Variants in PLCG2 observed in about 807,000 individuals in gnomAD.
The protein encoded by PLCG2 is 1-phosphatidylinositol 4,5-bisphosphate phosphodiesterase gamma-2.
A neutral mutation model predicts 175.6 loss-of-function variants in PLCG2; 69 were observed. That is an observed-to-expected ratio of 0.39 (90% CI 0.32 to 0.48). PLCG2 has a LOEUF of 0.48. PLCG2 is among the 20% of genes least tolerant of loss of function. The pLI is 0.91. For synonymous variants in PLCG2, 827 were observed against 624.0 expected (o/e 1.33, Z -4.85); for missense variants, 1,798 against 1,650.9 (o/e 1.09, Z -1.54).
chr16:81,740,320 T>C (rs1216740411), intron 1 of PLCG2: 1 of 152,204 alleles, frequency 6.6e-6, no homozygotes, highest in Non-Finnish European at 1.5e-5. Context: ...CTACAGAGTA[T>C]GTGACGTAGG....
At position 81,893,849 on chromosome 16, in the gene PLCG2, T is replaced by A. The variant is rs370771636; in HGVS notation, c.1072+55T>A. 6.4e-6 allele frequency: 7 copies of A among 1,092,536 alleles called. No homozygotes were observed. In the East Asian group the frequency reaches 1.7e-4, roughly 26 times the overall value. The allele number at this position is 1,092,536 out of a possible 1,614,324, so 67.7% of individuals were successfully genotyped here. A position where few individuals can be genotyped will look rare whatever the true frequency, so the allele number is the denominator to read the frequency against. ...GCTCGCAGCAAATTGAGGATAACCATGTGGTTGCTCCATGTTTTCTTTCGA... is the reference window on the plus strand; with the variant it reads ...GCTCGCAGCAAATTGAGGATAACCAAGTGGTTGCTCCATGTTTTCTTTCGA... On this transcript the variant is annotated intron_variant, in intron 12 of 32. Transcript: ENST00000564138.
intron 2 of PLCG2, among the ~76,000 whole-genome samples, chr16:81,840,527 G>A (rs534908694): frequency 1.3e-5 from 2 of 152,306 alleles, no homozygotes; most frequent in East Asian, 3.9e-4. Flanking sequence ...CAACTAGACA[G>A]TTCTATCTGG....
intron 1 of PLCG2, among the ~76,000 whole-genome samples, chr16:81,781,735 A>G (rs1353122836): frequency 6.6e-6 from 1 of 152,166 alleles, no homozygotes; most frequent in East Asian, 1.9e-4. Flanking sequence ...CCTGTGCTCC[A>G]TTTTAACACA....
chr16:81,810,801 A>T (rs879510740), intron 2 of PLCG2, among the ~76,000 whole-genome samples: 2 of 152,224 alleles, frequency 1.3e-5, no homozygotes, highest in Non-Finnish European at 2.9e-5. Context: ...TGATAGAAGG[A>T]GACAGGGTCT....
chr16:81,931,777 G>C (rs1910513056), intron 25 of PLCG2, 123 bp downstream of exon 25: 1 of 774,524 alleles, frequency 1.3e-6, no homozygotes, highest in Non-Finnish European at 2.1e-6. Flanking sequence ...CAGAATTCAG[G>C]AAGGAGACCA....
chr16:81,946,282 G>A lies in PLCG2; in HGVS notation c.3570+19G>A. The A allele has an allele frequency of 1.3e-6, 2 of 1,586,862 alleles. No individual in the cohort carries two copies. The highest frequency in any genetic ancestry group is 1.7e-6 in the Non-Finnish European group (2 of 1,155,238). ...AGTCCTGGTGAGTGGAGAAACACCAGTTAAGGGTTCCCTGAGCTATGCCTG... is the reference window on the plus strand; with the variant it reads ...AGTCCTGGTGAGTGGAGAAACACCAATTAAGGGTTCCCTGAGCTATGCCTG... On this transcript the variant is annotated intron_variant, in intron 31 of 32. Coordinates refer to ENST00000564138, the MANE Select transcript of PLCG2 (RefSeq NM_002661.5).
rs532084888 is a variant in PLCG2 at position 81,767,660 on chromosome 16, A to G, written c.-48+11694A>G. On this transcript the variant is annotated intron_variant, in intron 2 of 5. Transcript: ENST00000565054. ...CAGTTCTGAGGTTTTTTTTAGTTCT[A>G]TAAGTTTTGTCAAATATGTAAAGTT... is the stretch of plus-strand genomic sequence containing the variant. 10 of 152,140 alleles carry G rather than the reference A, an allele frequency of 6.6e-5. No individual in the cohort carries two copies. The East Asian group carries it at 1.9e-3, about 29-fold the overall frequency. 9.4% of individuals were successfully genotyped at this position (152,140 alleles called of 1,614,324 possible).
At chr16:81,758,468 G>GT (rs1909974052) in intron 2 of PLCG2, among the ~76,000 whole-genome samples, 1 of 152,152 alleles carries the variant, frequency 6.6e-6, no homozygotes, top group East Asian at 1.9e-4. Flanking sequence ...ACATTTATGT[G>GT]TAAGTGTTTG....
At chr16:81,796,263 C>G (rs912493999) in intron 2 of PLCG2, among the ~76,000 whole-genome samples, 1 of 152,386 alleles carries the variant, frequency 6.6e-6, no homozygotes, top group South Asian at 2.1e-4. Context: ...CCAGCACAGA[C>G]TGTCTCCAAA....
upstream of PLCG2, among the ~76,000 whole-genome samples, chr16:81,777,831 C>A (rs564089959): frequency 2.0e-5 from 3 of 151,804 alleles, no homozygotes; most frequent in African/African-American, 7.3e-5. Flanking sequence ...ATCTGGCCAA[C>A]ATAGTGAAAC....
At chr16:81,784,404 A>G (rs896870479) in intron 1 of PLCG2, among the ~76,000 whole-genome samples, 1 of 152,164 alleles carries the variant, frequency 6.6e-6, no homozygotes, top group African/African-American at 2.4e-5. Flanking sequence ...CCTCCATTTT[A>G]CAGATGAGGG....
At chr16:81,951,053 T>C (rs1307225978) in intron 31 of PLCG2, among the ~76,000 whole-genome samples, 1 of 152,218 alleles carries the variant, frequency 6.6e-6, no homozygotes, top group Non-Finnish European at 1.5e-5. Flanking sequence ...AGTGGTGTGA[T>C]CATGGCTCAC....
chr16:81,960,736 C>A lies in PLCG2; in HGVS notation c.*2738C>A, dbSNP rs764714884. 5.7e-5 allele frequency: 13 copies of A among 228,942 alleles called. No homozygotes were observed. Among genetic ancestry groups the A allele is most frequent in the Non-Finnish European group, 9.5e-5 (11 of 115,390 alleles). The allele number at this position is 228,942 out of a possible 1,614,324, so 14.2% of individuals were successfully genotyped here. A position where few individuals can be genotyped will look rare whatever the true frequency, so the allele number is the denominator to read the frequency against. On this transcript the variant is annotated 3_prime_UTR_variant, in exon 33 of 33. Transcript: ENST00000564138. ...ACAACATGTTCTAATACTTCGTATG[C>A]TTTGTGACCTAGTTAAAATCTAAAC...
chr16:81,849,330 C>T (rs574364203), intron 2 of PLCG2, among the ~76,000 whole-genome samples: 8 of 152,138 alleles, frequency 5.3e-5, no homozygotes, highest in Non-Finnish European at 1.0e-4. Context: ...TTGACAGATT[C>T]CAGAGCAATT....
intron 2 of PLCG2, among the ~76,000 whole-genome samples, chr16:81,846,095 C>T (rs187457572): frequency 1.4e-4 from 21 of 152,322 alleles, no homozygotes. Flanking sequence ...GCTCCATTTC[C>T]CAGCTGCTAG....
intron 2 of PLCG2, among the ~76,000 whole-genome samples, chr16:81,787,890 C>T (rs747402650): frequency 1.2e-4 from 18 of 152,240 alleles, no homozygotes; most frequent in Admixed American, 2.6e-4. Flanking sequence ...CACTTTGTTG[C>T]GTGGATCAGA....
intron 19 of PLCG2, among the ~76,000 whole-genome samples, chr16:81,914,940 C>T (rs1909778383): frequency 6.6e-6 from 1 of 152,170 alleles, no homozygotes; most frequent in South Asian, 2.1e-4. Context: ...TGTTGAACTT[C>T]CCTGGTCTCT....
chr16:81,777,603 C>T (rs7198995), upstream of PLCG2, among the ~76,000 whole-genome samples: 2 of 151,896 alleles, frequency 1.3e-5, no homozygotes, highest in African/African-American at 4.8e-5. Context: ...ATGAGCACAG[C>T]TATACACGCC....
intron 1 of PLCG2, among the ~76,000 whole-genome samples, chr16:81,740,946 T>C (rs1909580538): frequency 6.6e-6 from 1 of 152,202 alleles, no homozygotes; most frequent in South Asian, 2.1e-4. Context: ...TTCCCACAGA[T>C]GTGAGACAGT....
Sources: allele counts gnomAD v4.1 joint callset (sites outside exome capture counted in the v4.1 genomes callset), GRCh38; gene constraint gnomAD v4.1.1; transcripts MANE v1.5; gene names NCBI Gene and HGNC (gene_info 2026-07-23, HGNC 2026-07-21).